Variants in REDIC1 observed in about 807,000 individuals in gnomAD.
REDIC1 encodes the protein regulator of DNA class I crossover intermediates 1.
the REDIC1 span, among the ~76,000 whole-genome samples, chr12:39,741,337 G>C: frequency 2.6e-5 from 4 of 152,026 alleles, no homozygotes; most frequent in Non-Finnish European, 5.9e-5. Context: ...CTTAATCCTG[G>C]GGATGGACAA....
At chr12:39,692,550 C>T in the REDIC1 span, among the ~76,000 whole-genome samples, 2 of 150,780 alleles carry the variant, frequency 1.3e-5, no homozygotes, top group Non-Finnish European at 3.0e-5. Context: ...TTTTTTTTCA[C>T]CCAATATTAT....
chr12:39,820,130 G>GA, the REDIC1 span, among the ~76,000 whole-genome samples: 34 of 151,242 alleles, frequency 2.2e-4, no homozygotes, highest in Middle Eastern at 3.4e-3. Flanking sequence ...ACAACAAAAA[G>GA]AAAAAAAATG....
the REDIC1 span, among the ~76,000 whole-genome samples, chr12:39,844,408 T>C: frequency 2.3e-3 from 344 of 152,200 alleles, no homozygotes; most frequent in African/African-American, 7.9e-3. Flanking sequence ...AACGATAAAG[T>C]TCTTATACTA....
At chr12:39,696,629 A>T in the REDIC1 span, among the ~76,000 whole-genome samples, 1 of 149,868 alleles carries the variant, frequency 6.7e-6, no homozygotes, top group South Asian at 2.1e-4. Context: ...GTGACCTTTC[A>T]GACACAGTAT....
the REDIC1 span, chr12:39,626,388 G>A: frequency 6.2e-7 from 1 of 1,613,854 alleles, no homozygotes; most frequent in Non-Finnish European, 8.5e-7. Context: ...GTTTGAGGCT[G>A]GGACATTCAT....
chr12:39,906,376 T>C, the REDIC1 span, among the ~76,000 whole-genome samples: 1 of 152,102 alleles, frequency 6.6e-6, no homozygotes, highest in African/African-American at 2.4e-5. Flanking sequence ...GGGGATTGCC[T>C]TGATATGCAC....
At chr12:39,849,681 G>T in the REDIC1 span, among the ~76,000 whole-genome samples, 401 of 152,216 alleles carry the variant, frequency 2.6e-3, 2 homozygotes, top group Middle Eastern at 0.031. Flanking sequence ...TACCAAGTTT[G>T]TCTCTCTTGG....
the REDIC1 span, among the ~76,000 whole-genome samples, chr12:39,773,743 A>G: frequency 1.3e-5 from 2 of 152,212 alleles, no homozygotes; most frequent in Non-Finnish European, 1.5e-5. Flanking sequence ...GAAAAGAAAT[A>G]TGACCTGTGT....
the REDIC1 span, chr12:39,683,013 T>TAA: frequency 1.2e-6 from 2 of 1,613,286 alleles, no homozygotes; most frequent in Non-Finnish European, 1.7e-6. Flanking sequence ...CGACTTTGAA[T>TAA]AAAACAAGTT....
chr12:39,883,522 T>A, the REDIC1 span, among the ~76,000 whole-genome samples: 2 of 152,120 alleles, frequency 1.3e-5, no homozygotes, highest in African/African-American at 2.4e-5. Flanking sequence ...CGGAAAAAGG[T>A]GACAGTTTAT....
the REDIC1 span, among the ~76,000 whole-genome samples, chr12:39,725,383 TTGAC>T: frequency 6.6e-6 from 1 of 152,180 alleles, no homozygotes; most frequent in African/African-American, 2.4e-5. Context: ...TGCTTTCTCT[TTGAC>T]TGTAGGAAAG....
At chr12:39,887,748 T>A in the REDIC1 span, among the ~76,000 whole-genome samples, 1 of 152,204 alleles carries the variant, frequency 6.6e-6, no homozygotes, top group Non-Finnish European at 1.5e-5. Context: ...TTTAAAAAAA[T>A]TCCAGATTTT....
At chr12:39,864,869 T>G in the REDIC1 span, 3 of 1,612,700 alleles carry the variant, frequency 1.9e-6, no homozygotes, top group Non-Finnish European at 2.5e-6. Context: ...GAATAATGAG[T>G]GCTACGGTGG....
At chr12:39,655,662 C>A in the REDIC1 span, among the ~76,000 whole-genome samples, 1 of 152,150 alleles carries the variant, frequency 6.6e-6, no homozygotes, top group Admixed American at 6.5e-5. Flanking sequence ...TGATGGTTTG[C>A]CACTGAAAAT....
chr12:39,716,638 A>C, the REDIC1 span: 1 of 656,912 alleles, frequency 1.5e-6, no homozygotes, highest in Non-Finnish European at 2.5e-6. Context: ...GGTACATTTT[A>C]AAGTGTTTTG....
At chr12:39,701,512 C>T in the REDIC1 span, among the ~76,000 whole-genome samples, 1 of 152,106 alleles carries the variant, frequency 6.6e-6, no homozygotes, top group Non-Finnish European at 1.5e-5. Flanking sequence ...ACCCCACTGT[C>T]AACATTAGAC....
chr12:39,847,865 G>A, the REDIC1 span, among the ~76,000 whole-genome samples: 1 of 152,026 alleles, frequency 6.6e-6, no homozygotes, highest in Non-Finnish European at 1.5e-5. Context: ...GTCTACCCAA[G>A]TCTCCAACAT....
At chr12:39,763,810 C>G in the REDIC1 span, among the ~76,000 whole-genome samples, 1 of 152,080 alleles carries the variant, frequency 6.6e-6, no homozygotes. Context: ...AAGTCTTTTC[C>G]TGACTCAGCC....
chr12:39,689,465 G>T, the REDIC1 span, among the ~76,000 whole-genome samples: 1 of 152,224 alleles, frequency 6.6e-6, no homozygotes, highest in African/African-American at 2.4e-5. Context: ...TGTGATCTAT[G>T]TGGAGATGTA....
Sources: gnomAD v4.1 joint callset for allele counts (sites outside exome capture counted in the v4.1 genomes callset) on GRCh38, gnomAD v4.1.1 for gene constraint, MANE v1.5 for transcripts, NCBI Gene and HGNC (gene_info 2026-07-23, HGNC 2026-07-21) for gene names.